LAMA1: variants seen among roughly 807,000 people sequenced by gnomAD.
LAMA1 encodes laminin subunit alpha 1.
In LAMA1, 219 loss-of-function variants were observed where a neutral mutation model predicts 348.7. That is an observed-to-expected ratio of 0.63 (90% CI 0.56 to 0.70). LAMA1 has a LOEUF of 0.70. Among genes scored for constraint, LAMA1 ranks in the 30% least tolerant of loss-of-function variants. The pLI is 0.00. For missense variants in LAMA1, 3,744 were observed against 3,888.0 expected (o/e 0.96, Z 0.99); for synonymous variants, 1,487 against 1,491.0 (o/e 1.00, Z 0.06).
At chr18:7,098,078 T>C (rs1007473214) in intron 1 of LAMA1, among the ~76,000 whole-genome samples, 2 of 150,424 alleles carry the variant, frequency 1.3e-5, no homozygotes, top group African/African-American at 2.4e-5. Context: ...CTCCAGCCCC[T>C]AACCGCAAGT....
intron 3 of LAMA1, among the ~76,000 whole-genome samples, chr18:7,060,656 A>G (rs1350851819): frequency 6.6e-6 from 1 of 152,326 alleles, no homozygotes; most frequent in East Asian, 1.9e-4. Context: ...TAGAGGGCAC[A>G]GAGATACGAG....
chr18:6,959,664 CTG>C, intron 53 of LAMA1, 172 bp from the exon 54 acceptor site: 1 of 702,602 alleles, frequency 1.4e-6, no homozygotes, highest in Non-Finnish European at 2.5e-6. Flanking sequence ...TTTCTAATCT[CTG>C]TTCATATAAT....
intron 27 of LAMA1, 27 bp from the exon 28 acceptor site, chr18:7,008,635 A>T (rs1231472704): frequency 6.2e-7 from 1 of 1,612,954 alleles, no homozygotes; most frequent in East Asian, 2.2e-5. Context: ...TTAAGAGAGG[A>T]AACGCTAACA....
rs375045008 is a variant in LAMA1, at chr18:7,034,730, A to G, written c.1840-40T>C. On this transcript the variant is annotated intron_variant, in intron 13 of 62. Transcript: ENST00000389658. ...CAAGAGAAAATATATTTGTCATTCA[A>G]TTTAATGATAAAATAAAAATAAAAT... 2.2e-4 allele frequency: 344 copies of G among 1,550,184 alleles called. 2 individuals are homozygous for G. Among genetic ancestry groups the G allele is most frequent in the African/African-American group, 2.0e-3 (148 of 72,946 alleles).
At chr18:7,054,053 G>A (rs1228461674) in intron 3 of LAMA1, among the ~76,000 whole-genome samples, 1 of 152,098 alleles carries the variant, frequency 6.6e-6, no homozygotes, top group Non-Finnish European at 1.5e-5. Flanking sequence ...TTACAGCCTT[G>A]AGCCACCATG....
In LAMA1 at chr18:7,028,098, A is replaced by G. The variant is rs541793848; in HGVS notation, c.2275-1992T>C. Among the ~76,000 whole-genome samples, 3 of 152,358 alleles carry G rather than the reference A, an allele frequency of 2.0e-5. No homozygotes were observed. In the South Asian group the frequency reaches 6.2e-4, roughly 32 times the overall value. On this transcript the variant is annotated intron_variant, in intron 16 of 62. Coordinates refer to ENST00000389658, the MANE Select transcript of LAMA1 (RefSeq NM_005559.4). ...AAAATGAAGTACTGAATGGGTGGGC[A>G]TCGGCTTCGACATTGTAGGAGAAAA...
At chr18:7,097,091 G>A (rs994414394) in intron 1 of LAMA1, among the ~76,000 whole-genome samples, 3 of 152,112 alleles carry the variant, frequency 2.0e-5, no homozygotes, top group African/African-American at 7.2e-5. Context: ...AAAATGAATG[G>A]GGAAAGCTCA....
At chr18:7,014,785 G>A (rs777066917) in intron 22 of LAMA1, among the ~76,000 whole-genome samples, 3 of 152,156 alleles carry the variant, frequency 2.0e-5, no homozygotes, top group African/African-American at 4.8e-5. Flanking sequence ...CTTTCTCTTG[G>A]AAGATAGTAT....
At chr18:6,979,687 C>T (rs993291437) in intron 42 of LAMA1, among the ~76,000 whole-genome samples, 2 of 152,118 alleles carry the variant, frequency 1.3e-5, no homozygotes, top group Non-Finnish European at 1.5e-5. Context: ...ATCACGAGGT[C>T]AGGAGATCGA....
chr18:6,972,899 C>T (rs1386322371), intron 47 of LAMA1, among the ~76,000 whole-genome samples, 158 bp downstream of exon 47: 5 of 152,206 alleles, frequency 3.3e-5, no homozygotes, highest in African/African-American at 1.2e-4. Context: ...CCATGTTGGT[C>T]AGGCTGGTCT....
chr18:7,054,389 C>T (rs1349935512), intron 3 of LAMA1, among the ~76,000 whole-genome samples: 3 of 152,028 alleles, frequency 2.0e-5, no homozygotes, highest in Non-Finnish European at 4.4e-5. Context: ...ATATCACACC[C>T]CTGTTTTAGT....
In LAMA1 at chr18:6,989,398, T is replaced by G. The variant is rs1049988929; in HGVS notation, c.5169-3051A>C. On this transcript the variant is annotated intron_variant, in intron 36 of 62. Transcript: ENST00000389658. ...AGTTCTGGAGACCCCCGACCCAGCATGAAAAGTAATCAGTCTGTGTGCTAA... is the reference window on the plus strand; with the variant it reads ...AGTTCTGGAGACCCCCGACCCAGCAGGAAAAGTAATCAGTCTGTGTGCTAA... 5.9e-5 allele frequency among the ~76,000 whole-genome samples: 9 copies of G among 152,302 alleles called. No individual in the cohort carries two copies. The East Asian group carries it at 1.5e-3, about 26-fold the overall frequency.
Position 7,009,159 on chromosome 18 carries a change from TGGAAGTGAAGTG to T in LAMA1, c.4001+68_4001+79del, listed in dbSNP as rs33969287. On this transcript the variant is annotated intron_variant, in intron 27 of 62. Coordinates refer to ENST00000389658, the MANE Select transcript of LAMA1 (RefSeq NM_005559.4). ...ATGGATTAATAAAAATAGTAGGTAA[TGGAAGTGAAGTG>T]AGTCAAATTCTTTCAGTTTGCTTTC... 4,126 of 1,480,290 alleles carry T rather than the reference TGGAAGTGAAGTG, an allele frequency of 2.8e-3. 79 individuals are homozygous for T. In the African/African-American group the frequency reaches 0.05, roughly 18 times the overall value. The allele number at this position is 1,480,290 out of a possible 1,614,324, so 91.7% of individuals were successfully genotyped here.
rs994488844 is a variant in LAMA1 at position 7,033,006 on chromosome 18, C to T, written c.2141G>A (p.Gly714Asp). The change falls in exon 15 of 63, where the codon GGC (glycine) becomes GAC (aspartate). Residue 714 changes from glycine (G) to aspartate (D), a missense_variant. By Grantham distance (94) the Gly-to-Asp change is moderately conservative (BLOSUM62 -1). Around this residue, in one of 3 missense-constraint regions of LAMA1, gnomAD observed 1,529 missense variants for 1,689.4 expected, o/e 0.91. Transcript: ENST00000389658. ...ADVEHCECPQ[G>D]YTGTSCESCL... Reference sequence around the variant, plus strand: ...CACCTCACAGGAGGTCCCTGTGTAGCCTTGCGGACATTCACAGTGCTCCAC... The same window carrying T: ...CACCTCACAGGAGGTCCCTGTGTAGTCTTGCGGACATTCACAGTGCTCCAC... 1.1e-5 allele frequency: 18 copies of T among 1,610,766 alleles called. No homozygotes were observed. In the African/African-American group the frequency reaches 2.0e-4, roughly 18 times the overall value.
At chr18:6,958,882 T>C (rs1220218407) in intron 54 of LAMA1, among the ~76,000 whole-genome samples, 1 of 152,180 alleles carries the variant, frequency 6.6e-6, no homozygotes, top group Non-Finnish European at 1.5e-5. Flanking sequence ...TAAATATCCA[T>C]TGAATGAGAT....
intron 28 of LAMA1, 82 bp downstream of exon 28, chr18:7,008,406 T>C: frequency 6.6e-7 from 1 of 1,516,598 alleles, no homozygotes; most frequent in Non-Finnish European, 9.1e-7. Flanking sequence ...TACACATAAG[T>C]TCTGTTCATC....
At chr18:7,003,519 A>C (rs1444142599) in intron 29 of LAMA1, among the ~76,000 whole-genome samples, 1 of 152,090 alleles carries the variant, frequency 6.6e-6, no homozygotes, top group Non-Finnish European at 1.5e-5. Flanking sequence ...CGGCCTCCCA[A>C]AGTGCTGGGA....
At chr18:6,980,017 C>T (rs1021226485) in intron 42 of LAMA1, among the ~76,000 whole-genome samples, 10 of 149,036 alleles carry the variant, frequency 6.7e-5, no homozygotes, top group African/African-American at 1.8e-4. Context: ...TTACTGTAGA[C>T]CCCCCCAAAA....
At chr18:7,029,290 CAG>C (rs2057958057) in intron 16 of LAMA1, among the ~76,000 whole-genome samples, 1 of 152,318 alleles carries the variant, frequency 6.6e-6, no homozygotes, top group African/African-American at 2.4e-5. Context: ...CCTCAGACAA[CAG>C]AGTCTTAGAC....
Sources: allele counts gnomAD v4.1 joint callset (sites outside exome capture counted in the v4.1 genomes callset), GRCh38; gene constraint gnomAD v4.1.1; regional missense constraint gnomAD v4.1.1; transcripts MANE v1.5; gene names NCBI Gene and HGNC (gene_info 2026-07-23, HGNC 2026-07-21).